Variants in GPC3 observed in about 807,000 individuals in gnomAD.
GPC3 encodes the protein glypican-3.
GPC3 carries 3 observed loss-of-function variants against 34.4 expected under a neutral mutation model. That is an observed-to-expected ratio of 0.09 (90% CI 0.04 to 0.23). The LOEUF (loss-of-function observed/expected upper bound fraction) is 0.23, where lower values mean the gene tolerates loss of function less well. Among genes scored for constraint, GPC3 ranks in the 10% least tolerant of loss-of-function variants. GPC3 has a pLI of 1.00. For synonymous variants in GPC3, 177 were observed against 174.0 expected, an observed-to-expected ratio of 1.02 and a Z score of -0.13; for missense variants, 351 against 445.6, an observed-to-expected ratio of 0.79 and a Z score of 1.91.
intron 5 of GPC3, among the ~76,000 whole-genome samples, chrX:133,676,397 A>G (rs1474981093): frequency 1.8e-5 from 2 of 112,511 alleles, no homozygotes; most frequent in Non-Finnish European, 3.8e-5. Flanking sequence ...CAGGGGAAAG[A>G]GCCTACCTTT....
chrX:133,813,522 T>C (rs1482647977), intron 2 of GPC3, among the ~76,000 whole-genome samples: 1 of 112,059 alleles, frequency 8.9e-6, no homozygotes, highest in Admixed American at 9.4e-5. Context: ...ATAGGTAAAG[T>C]TAGGAAATAA....
At chrX:133,732,988 G>A (rs2071476995) in intron 3 of GPC3, among the ~76,000 whole-genome samples, 3 of 110,954 alleles carry the variant, frequency 2.7e-5, no homozygotes, top group South Asian at 7.8e-4. Context: ...CCTCAGCCTC[G>A]TAAAGCTGGG....
intron 3 of GPC3, among the ~76,000 whole-genome samples, chrX:133,749,767 A>T (rs2071644939): frequency 9.0e-6 from 1 of 111,472 alleles, no homozygotes; most frequent in African/African-American, 3.3e-5. Flanking sequence ...TTTACATTTT[A>T]TCGCAACAGG....
chrX:133,886,719 C>A (rs1337905096), intron 2 of GPC3, among the ~76,000 whole-genome samples: 1 of 112,293 alleles, frequency 8.9e-6, no homozygotes, highest in Non-Finnish European at 1.9e-5. Flanking sequence ...GTATCAGGCT[C>A]ATTTCACTTA....
intron 7 of GPC3, among the ~76,000 whole-genome samples, chrX:133,591,899 AT>A (rs984680455): frequency 1.8e-5 from 2 of 111,785 alleles, no homozygotes; most frequent in Non-Finnish European, 3.8e-5. Flanking sequence ...ACCAGGCAAC[AT>A]TTTGGTAAGT....
chrX:133,886,244 C>T (rs1316835315), intron 2 of GPC3, among the ~76,000 whole-genome samples: 1 of 108,673 alleles, frequency 9.2e-6, no homozygotes, highest in Non-Finnish European at 1.9e-5. Context: ...TGTAGTGGCT[C>T]ACACTTGTAA....
At chrX:133,868,948 A>C (rs760730252) in intron 2 of GPC3, among the ~76,000 whole-genome samples, 1 of 112,374 alleles carries the variant, frequency 8.9e-6, no homozygotes, top group African/African-American at 3.2e-5. Flanking sequence ...AATAACTAAA[A>C]GGGAACAGAC....
intron 6 of GPC3, among the ~76,000 whole-genome samples, chrX:133,654,171 A>ATC (rs1458163505): frequency 1.8e-5 from 2 of 111,454 alleles, no homozygotes; most frequent in Non-Finnish European, 3.8e-5. Context: ...TTATATATAT[A>ATC]TTGAGGGTCT....
At chrX:133,977,153 G>A (rs2076520021) in intron 1 of GPC3, among the ~76,000 whole-genome samples, 1 of 110,685 alleles carries the variant, frequency 9.0e-6, no homozygotes. Flanking sequence ...GTCTTTAGGT[G>A]TTTATTCTTA....
At chrX:133,594,096 C>CA (rs979465530) in intron 7 of GPC3, among the ~76,000 whole-genome samples, 8 of 105,560 alleles carry the variant, frequency 7.6e-5, no homozygotes, top group African/African-American at 1.5e-4. Context: ...AACTCCATCT[C>CA]AAAAAAAACA....
intron 2 of GPC3, among the ~76,000 whole-genome samples, chrX:133,875,848 T>C (rs1487341814): frequency 9.0e-6 from 1 of 111,526 alleles, no homozygotes; most frequent in African/African-American, 3.3e-5. Context: ...TGAACATTCT[T>C]GAGAATCTAA....
intron 2 of GPC3, among the ~76,000 whole-genome samples, chrX:133,825,687 T>C (rs1246754706): frequency 1.8e-5 from 2 of 111,602 alleles, no homozygotes; most frequent in African/African-American, 3.3e-5. Context: ...TTCATGGAAA[T>C]ACAGAAGGTC....
At chrX:133,722,088 T>C (rs1165230218) in intron 3 of GPC3, among the ~76,000 whole-genome samples, 1 of 111,284 alleles carries the variant, frequency 9.0e-6, no homozygotes, top group Non-Finnish European at 1.9e-5. Flanking sequence ...ACCTCAACAA[T>C]AAAATCATAA....
At chrX:133,727,227 T>A (rs1450679096) in intron 3 of GPC3, among the ~76,000 whole-genome samples, 1 of 111,592 alleles carries the variant, frequency 9.0e-6, no homozygotes, top group African/African-American at 3.3e-5. Flanking sequence ...GCCAACCTTC[T>A]CACACCATCT....
intron 2 of GPC3, among the ~76,000 whole-genome samples, chrX:133,924,526 A>C (rs944644972): frequency 1.8e-5 from 2 of 112,035 alleles, no homozygotes; most frequent in African/African-American, 6.5e-5. Flanking sequence ...GACCACAAGC[A>C]ATTAGCCAAT....
intron 6 of GPC3, among the ~76,000 whole-genome samples, chrX:133,637,671 TTC>T (rs1216044163): frequency 9.0e-6 from 1 of 111,178 alleles, no homozygotes; most frequent in Non-Finnish European, 1.9e-5. Flanking sequence ...AGAGATAGGT[TTC>T]TCTCTGTCAC....
At chrX:133,734,280 A>G (rs181070429) in intron 3 of GPC3, among the ~76,000 whole-genome samples, 1 of 111,990 alleles carries the variant, frequency 8.9e-6, no homozygotes, top group East Asian at 2.8e-4. Flanking sequence ...AGAATAAAGG[A>G]TACATTCCCA....
intron 5 of GPC3, among the ~76,000 whole-genome samples, chrX:133,681,939 C>A (rs1161672420): frequency 8.9e-6 from 1 of 112,117 alleles, no homozygotes; most frequent in East Asian, 2.8e-4. Flanking sequence ...GTCAGGACAC[C>A]TATCACACTC....
chrX:133,772,056 C>A (rs760303040), intron 2 of GPC3, among the ~76,000 whole-genome samples: 1 of 111,487 alleles, frequency 9.0e-6, no homozygotes, highest in Non-Finnish European at 1.9e-5. Flanking sequence ...CCCTTTCCTT[C>A]TCCTGTATTT....
Sources: gnomAD v4.1 joint callset for allele counts (sites outside exome capture counted in the v4.1 genomes callset) on GRCh38, gnomAD v4.1.1 for gene constraint, MANE v1.5 for transcripts, NCBI Gene and HGNC (gene_info 2026-07-23, HGNC 2026-07-21) for gene names.